Variants in NAA15 observed in about 807,000 individuals in gnomAD.
NAA15 encodes N-terminal acetyltransferase.
NAA15 carries 34 observed loss-of-function variants against 114.0 expected under a neutral mutation model. The ratio of observed to expected loss-of-function variants is 0.30; its 90% CI spans 0.23 to 0.40. The LOEUF is 0.40. NAA15 is among the 10% of genes least tolerant of loss of function. The pLI is 1.00. For synonymous variants in NAA15, 340 were observed against 338.0 expected (o/e 1.01, Z -0.06); for missense variants, 658 against 1,004.5 (o/e 0.66, Z 4.66).
At chr4:139,320,997 A>G (rs771184010) in intron 1 of NAA15, among the ~76,000 whole-genome samples, 2 of 151,826 alleles carry the variant, frequency 1.3e-5, no homozygotes, top group Non-Finnish European at 2.9e-5. Flanking sequence ...TTAATAAGCT[A>G]TTCTGTGCTG....
chr4:139,371,835 T>C (rs1436402635), intron 15 of NAA15, among the ~76,000 whole-genome samples: 1 of 152,178 alleles, frequency 6.6e-6, no homozygotes, highest in Non-Finnish European at 1.5e-5. Flanking sequence ...TCACTTTGTC[T>C]ACTTACTTTT....
At chr4:139,387,019 TAATA>T (rs1288551558) in intron 19 of NAA15, among the ~76,000 whole-genome samples, 1 of 152,192 alleles carries the variant, frequency 6.6e-6, no homozygotes, top group Non-Finnish European at 1.5e-5. Context: ...AGACAGTTAT[TAATA>T]AATATATTCA....
At chr4:139,319,538 C>G (rs900067036) in intron 1 of NAA15, among the ~76,000 whole-genome samples, 1 of 152,252 alleles carries the variant, frequency 6.6e-6, no homozygotes, top group Non-Finnish European at 1.5e-5. Context: ...CAGGCTCAAG[C>G]GATCCTCCCA....
intron 1 of NAA15, among the ~76,000 whole-genome samples, chr4:139,313,525 T>C (rs1208288351): frequency 1.3e-5 from 2 of 151,582 alleles, no homozygotes; most frequent in Non-Finnish European, 2.9e-5. Context: ...ATGACTACAT[T>C]GTTACAGTAT....
chr4:139,345,562 T>G (rs2110920498), intron 6 of NAA15, among the ~76,000 whole-genome samples: 1 of 152,304 alleles, frequency 6.6e-6, no homozygotes, highest in East Asian at 1.9e-4. Flanking sequence ...ATTGGTGACC[T>G]TAACAAAAGC....
chr4:139,324,562 CAT>C (rs1347192672), intron 1 of NAA15, among the ~76,000 whole-genome samples: 18 of 152,306 alleles, frequency 1.2e-4, no homozygotes, highest in Middle Eastern at 6.8e-3. Context: ...GAATGTAAAA[CAT>C]ATGTTGAAAG....
chr4:139,336,696 C>T (rs911558528), intron 2 of NAA15, 152 bp from the exon 3 acceptor site: 17 of 405,718 alleles, frequency 4.2e-5, no homozygotes, highest in Middle Eastern at 6.5e-4. Context: ...TTTAAATCTG[C>T]AAGAAAGTGG....
At chr4:139,379,003 A>T in intron 17 of NAA15, 149 bp downstream of exon 17, 1 of 493,904 alleles carries the variant, frequency 2.0e-6, no homozygotes, top group Non-Finnish European at 3.5e-6. Flanking sequence ...TTTTTTCTTT[A>T]TGATGAAGGT....
At chr4:139,366,573 G>C (rs954461858) in intron 14 of NAA15, among the ~76,000 whole-genome samples, 1 of 150,696 alleles carries the variant, frequency 6.6e-6, no homozygotes, top group African/African-American at 2.4e-5. Flanking sequence ...CTGCATTTTG[G>C]TTACAAATTA....
chr4:139,366,399 G>A (rs1748285703), intron 14 of NAA15, among the ~76,000 whole-genome samples: 1 of 152,092 alleles, frequency 6.6e-6, no homozygotes, highest in African/African-American at 2.4e-5. Flanking sequence ...AATGATGACA[G>A]AGAAAGGAAG....
At chr4:139,360,686 A>AT in intron 13 of NAA15, 58 bp downstream of exon 13, 9 of 1,434,136 alleles carry the variant, frequency 6.3e-6, no homozygotes, top group Non-Finnish European at 7.4e-6. Flanking sequence ...TTTTGGACAA[A>AT]TTTCATAGTT....
intron 1 of NAA15, among the ~76,000 whole-genome samples, chr4:139,321,454 G>A (rs1746603304): frequency 6.7e-6 from 1 of 149,978 alleles, no homozygotes; most frequent in Non-Finnish European, 1.5e-5. Context: ...TTGAGCCACA[G>A]TGCCTGGCCC....
At chr4:139,381,207 T>C (rs980685175) in intron 17 of NAA15, among the ~76,000 whole-genome samples, 3 of 152,214 alleles carry the variant, frequency 2.0e-5, no homozygotes, top group Non-Finnish European at 2.9e-5. Flanking sequence ...CTTTTTCTTA[T>C]TATGAGGATG....
chr4:139,303,752 C>G (rs1745896481), intron 1 of NAA15, among the ~76,000 whole-genome samples: 1 of 152,110 alleles, frequency 6.6e-6, no homozygotes, highest in South Asian at 2.1e-4. Context: ...CCAGCCTTGG[C>G]AACAGAGGAA....
intron 1 of NAA15, among the ~76,000 whole-genome samples, chr4:139,324,232 T>A (rs1157794095): frequency 6.6e-6 from 1 of 152,312 alleles, no homozygotes; most frequent in African/African-American, 2.4e-5. Context: ...TATAGCAGAG[T>A]GTTAAAATTT....
intron 10 of NAA15, among the ~76,000 whole-genome samples, chr4:139,356,986 C>CTTT (rs10712283): frequency 1.0e-3 from 151 of 146,914 alleles, no homozygotes; most frequent in Non-Finnish European, 1.7e-3. Context: ...GCAGCCAGGG[C>CTTT]TTTTTTTTTT....
intron 3 of NAA15, among the ~76,000 whole-genome samples, chr4:139,340,579 A>G (rs367672962): frequency 6.6e-6 from 1 of 152,140 alleles, no homozygotes; most frequent in African/African-American, 2.4e-5. Flanking sequence ...TGAGCACTTT[A>G]TATATGTTAT....
chr4:139,350,731 GAC>G (rs1747751082), intron 7 of NAA15, among the ~76,000 whole-genome samples: 1 of 152,208 alleles, frequency 6.6e-6, no homozygotes, highest in Non-Finnish European at 1.5e-5. Context: ...ATCTAAGATA[GAC>G]GTAATTGCTG....
In NAA15 at chr4:139,344,295, A is replaced by G. The variant is rs552916232; in HGVS notation, c.647A>G (p.Tyr216Cys). ...YREALEHLCT[Y>C]EKQICDKLAV... is the part of the protein sequence containing the mutation. ...GAAGCTTTGGAACATCTTTGTACCTATGAAAAGCAGATTTGTGATAAACTT... is the reference window on the plus strand; with the variant it reads ...GAAGCTTTGGAACATCTTTGTACCTGTGAAAAGCAGATTTGTGATAAACTT... Residue 216 changes from tyrosine to cysteine, a missense_variant, in exon 6 of 20, where the codon TAT becomes TGT. This residue lies in a region of NAA15 where 281 missense variants were observed against 389.1 expected (regional missense o/e 0.72). Coordinates refer to ENST00000296543, the MANE Select transcript of NAA15 (RefSeq NM_057175.5). The G allele has an allele frequency of 6.2e-7, 1 of 1,611,390 alleles. No individual in the cohort carries two copies. The highest frequency in any genetic ancestry group is 1.3e-5 in the African/African-American group (1 of 75,002).
Sources: allele counts gnomAD v4.1 joint callset (sites outside exome capture counted in the v4.1 genomes callset), GRCh38; gene constraint gnomAD v4.1.1; regional missense constraint gnomAD v4.1.1; transcripts MANE v1.5; gene names NCBI Gene and HGNC (gene_info 2026-07-23, HGNC 2026-07-21).